Variants in SLC39A10 observed in about 807,000 individuals in gnomAD.
SLC39A10 encodes the protein zinc transporter ZIP10.
A neutral mutation model predicts 65.1 loss-of-function variants in SLC39A10; 13 were observed. That is an observed-to-expected ratio of 0.20 (90% confidence interval 0.13 to 0.32). SLC39A10 has a LOEUF of 0.32. Among genes scored for constraint, SLC39A10 ranks in the 10% least tolerant of loss-of-function variants. SLC39A10 has a pLI of 1.00. For synonymous variants in SLC39A10, 321 were observed against 342.2 expected (o/e 0.94, Z 0.68); for missense variants, 831 against 1,018.4 (o/e 0.82, Z 2.50).
At chr2:195,644,339 T>A (rs957203322) in intron 2 of SLC39A10, among the ~76,000 whole-genome samples, 1 of 576 alleles carries the variant, frequency 1.7e-3, no homozygotes, top group Non-Finnish European at 4.3e-3. Context: ...TCAAATAAAT[T>A]TTTTTTTTTT....
intron 2 of SLC39A10, among the ~76,000 whole-genome samples, chr2:195,615,921 T>G (rs1378242317): frequency 1.3e-5 from 2 of 152,206 alleles, no homozygotes; most frequent in Non-Finnish European, 2.9e-5. Flanking sequence ...TATCTTAACC[T>G]CCTTGATTGA....
chr2:195,736,380 A>G lies in SLC39A10; in HGVS notation c.*1339A>G, dbSNP rs976646921. ...GCTTTCTGTTTACATCCTATGCCAC[A>G]TGGTCTTCATTTATGCCAGGTAAAC... On this transcript the variant is annotated 3_prime_UTR_variant, in exon 10 of 10. Coordinates refer to ENST00000359634, the MANE Select transcript of SLC39A10 (RefSeq NM_020342.3). The G allele has an allele frequency of 3.0e-5, 5 of 166,696 alleles. No homozygotes were observed. The highest frequency in any genetic ancestry group is 1.2e-4 in the African/African-American group (5 of 41,462). 10.3% of individuals were successfully genotyped at this position (166,696 alleles called of 1,614,324 possible).
chr2:195,729,957 C>T (rs1325415135), intron 9 of SLC39A10, among the ~76,000 whole-genome samples: 2 of 111,502 alleles, frequency 1.8e-5, no homozygotes, highest in Non-Finnish European at 3.6e-5. Flanking sequence ...CACCACCATG[C>T]CTAATTTTTT....
intron 1 of SLC39A10, chr2:195,674,697 A>T (rs1322745322): frequency 1.0e-6 from 1 of 957,204 alleles, no homozygotes; most frequent in Non-Finnish European, 1.2e-6. Context: ...TCTGAGGTGC[A>T]GGCTTAGGTG....
In SLC39A10 at chr2:195,720,187, A is replaced by C. The variant is rs574171527; in HGVS notation, c.2146+1855A>C. Among the ~76,000 whole-genome samples the C allele has an allele frequency of 2.6e-4, 40 of 152,336 alleles. No individual in the cohort carries two copies. In the East Asian group the frequency reaches 7.7e-3, roughly 29 times the overall value. Reference sequence around the variant, plus strand: ...AGTGATCTGCCTGCCTCGGCCTCCCAAAGTGCCGAGATTACAGGTGTGAGC... The same window carrying C: ...AGTGATCTGCCTGCCTCGGCCTCCCCAAGTGCCGAGATTACAGGTGTGAGC... On this transcript the variant is annotated intron_variant, in intron 8 of 9. Transcript: ENST00000359634.
intron 1 of SLC39A10, among the ~76,000 whole-genome samples, chr2:195,676,270 A>G (rs1423106686): frequency 6.7e-6 from 1 of 150,324 alleles, no homozygotes; most frequent in African/African-American, 2.5e-5. Context: ...GCTCACTGCA[A>G]CCTCCACCTC....
At position 195,683,750 on chromosome 2, in the gene SLC39A10, C is replaced by T. The variant is rs937668000; in HGVS notation, c.1060C>T (p.Pro354Ser). 8 of 1,613,242 alleles carry T rather than the reference C, an allele frequency of 5.0e-6. No homozygotes were observed. The African/African-American group carries it at 1.1e-4, about 22-fold the overall frequency. Reference sequence around the variant, plus strand: ...ATACTATGGTCATGGTGCCAACTCTCCCATCTCAACTGATTTATTTACATA... The same window carrying T: ...ATACTATGGTCATGGTGCCAACTCTTCCATCTCAACTGATTTATTTACATA... ...LKYYGHGANSPISTDLFTYLC... is the reference protein window; with the variant it reads ...LKYYGHGANSSISTDLFTYLC... Residue 354 changes from proline to serine, a missense_variant, in exon 3 of 10, where the codon CCC (proline) becomes TCC (serine). Physicochemically the swap from Pro to Ser is moderately conservative, Grantham distance 74 (BLOSUM62 -1). Transcript: ENST00000359634.
At chr2:195,713,581 AC>A in intron 6 of SLC39A10, 28 bp downstream of exon 6, 1 of 1,545,620 alleles carries the variant, frequency 6.5e-7, no homozygotes, top group South Asian at 1.3e-5. Context: ...CTCAAGACAA[AC>A]TTTTTTCTTT....
chr2:195,697,443 AATTT>A (rs1691009620), intron 3 of SLC39A10, among the ~76,000 whole-genome samples: 2 of 151,924 alleles, frequency 1.3e-5, no homozygotes, highest in Non-Finnish European at 2.9e-5. Context: ...TCTTTTTTTA[AATTT>A]AACTTTCAAG....
At chr2:195,641,107 C>T (rs1415728360) in intron 2 of SLC39A10, among the ~76,000 whole-genome samples, 1 of 152,054 alleles carries the variant, frequency 6.6e-6, no homozygotes, top group Non-Finnish European at 1.5e-5. Flanking sequence ...GTGCAGGGAG[C>T]GGGAGATAAG....
At chr2:195,720,575 C>A (rs1691995891) in intron 8 of SLC39A10, among the ~76,000 whole-genome samples, 1 of 152,176 alleles carries the variant, frequency 6.6e-6, no homozygotes, top group Non-Finnish European at 1.5e-5. Context: ...GTAGTATTTG[C>A]TCATTTTGAA....
chr2:195,633,750 C>T (rs1688641314), intron 2 of SLC39A10, among the ~76,000 whole-genome samples: 1 of 152,166 alleles, frequency 6.6e-6, no homozygotes, highest in Admixed American at 6.5e-5. Flanking sequence ...GTCCCGCTGT[C>T]GAGCTGTCCC....
At chr2:195,619,907 G>A (rs75484833) in intron 2 of SLC39A10, among the ~76,000 whole-genome samples, 4,447 of 151,668 alleles carry the variant, frequency 0.029, 241 homozygotes, top group African/African-American at 0.1. Flanking sequence ...GAGTCTTCAG[G>A]ACTTTACTAT....
intron 3 of SLC39A10, among the ~76,000 whole-genome samples, chr2:195,706,065 C>G (rs941365935): frequency 6.6e-6 from 1 of 152,002 alleles, no homozygotes; most frequent in African/African-American, 2.4e-5. Context: ...AAAAATAGGA[C>G]TGAACTAACC....
intron 6 of SLC39A10, among the ~76,000 whole-genome samples, chr2:195,714,020 G>A (rs1296779183): frequency 5.9e-5 from 9 of 151,900 alleles, no homozygotes; most frequent in South Asian, 4.2e-4. Context: ...TCCGCCTCCC[G>A]GGTTCATGCC....
At chr2:195,659,689 C>A (rs1046240515) in intron 1 of SLC39A10, among the ~76,000 whole-genome samples, 1 of 152,156 alleles carries the variant, frequency 6.6e-6, no homozygotes, top group African/African-American at 2.4e-5. Context: ...TTATCTTAAT[C>A]TTCTATTTGA....
chr2:195,633,816 T>G, intron 2 of SLC39A10, among the ~76,000 whole-genome samples: 1 of 152,152 alleles, frequency 6.6e-6, no homozygotes, highest in Non-Finnish European at 1.5e-5. Context: ...CTCTTGATGT[T>G]TAGCTGCTTC....
At chr2:195,733,245 C>T (rs1471466397) in intron 9 of SLC39A10, among the ~76,000 whole-genome samples, 2 of 152,022 alleles carry the variant, frequency 1.3e-5, no homozygotes, top group Admixed American at 6.5e-5. Context: ...ACGTAGTGTC[C>T]CAGAGGGTAG....
intron 1 of SLC39A10, among the ~76,000 whole-genome samples, chr2:195,679,082 G>T (rs1055272832): frequency 1.7e-4 from 26 of 152,048 alleles, no homozygotes; most frequent in African/African-American, 6.3e-4. Flanking sequence ...ACATAGTCAG[G>T]GTGACTGAGA....
Sources: allele counts gnomAD v4.1 joint callset (sites outside exome capture counted in the v4.1 genomes callset), GRCh38; gene constraint gnomAD v4.1.1; transcripts MANE v1.5; gene names NCBI Gene and HGNC (gene_info 2026-07-23, HGNC 2026-07-21).